Variants in KAZN observed in about 807,000 individuals in gnomAD.
KAZN encodes the protein kazrin, periplakin interacting protein.
Under a neutral mutation model 87.4 loss-of-function variants are expected in KAZN, and 40 were observed. That is an observed-to-expected ratio of 0.46 (90% CI 0.36 to 0.60). The LOEUF (loss-of-function observed/expected upper bound fraction) is 0.60, where lower values mean the gene tolerates loss of function less well. KAZN is among the 20% of genes least tolerant of loss of function. The pLI, the probability that KAZN is intolerant of heterozygous loss-of-function variation, is 0.00. For missense variants in KAZN, 898 were observed against 1,073.9 expected (o/e 0.84, Z 2.29); for synonymous variants, 466 against 458.3 (o/e 1.02, Z -0.22).
At chr1:14,652,847 C>T in intron 1 of KAZN, among the ~76,000 whole-genome samples, 1 of 151,812 alleles carries the variant, frequency 6.6e-6, no homozygotes, top group Admixed American at 6.6e-5. Context: ...TTTTGCTACC[C>T]CGCCCCCATG....
intron 1 of KAZN, among the ~76,000 whole-genome samples, chr1:14,636,071 A>G (rs1238772480): frequency 6.6e-6 from 1 of 152,164 alleles, no homozygotes; most frequent in African/African-American, 2.4e-5. Context: ...AACAATTCCA[A>G]CTGAAAGCGG....
At chr1:14,034,658 TAC>T (rs1235440641) in intron 1 of KAZN, among the ~76,000 whole-genome samples, 1 of 152,212 alleles carries the variant, frequency 6.6e-6, no homozygotes, top group Admixed American at 6.5e-5. Flanking sequence ...CACTAGATTA[TAC>T]ACATAGTGCA....
intron 1 of KAZN, among the ~76,000 whole-genome samples, chr1:14,685,873 C>T (rs1417384702): frequency 6.6e-6 from 1 of 152,094 alleles, no homozygotes. Context: ...TGTGTGCGCA[C>T]GTGTGTATTC....
intron 1 of KAZN, among the ~76,000 whole-genome samples, chr1:14,839,248 A>T (rs1486674487): frequency 6.6e-6 from 1 of 152,134 alleles, no homozygotes. Context: ...TCTGGGTTCA[A>T]ATCCTAGCCC....
At chr1:15,076,018 T>C (rs1026107826) in intron 8 of KAZN, among the ~76,000 whole-genome samples, 2 of 152,212 alleles carry the variant, frequency 1.3e-5, no homozygotes, top group African/African-American at 4.8e-5. Context: ...CGTGCTATAC[T>C]AGGCCAGCTT....
chr1:14,385,475 C>A (rs185221881), intron 2 of KAZN, among the ~76,000 whole-genome samples: 2 of 152,228 alleles, frequency 1.3e-5, no homozygotes, highest in Admixed American at 6.5e-5. Context: ...CCTCCACACA[C>A]TGCTTTGAAT....
intron 2 of KAZN, among the ~76,000 whole-genome samples, chr1:14,185,735 C>G (rs751387913): frequency 6.6e-6 from 1 of 152,170 alleles, no homozygotes; most frequent in Non-Finnish European, 1.5e-5. Context: ...AGTTACGGAA[C>G]TTCTGTACTC....
intron 2 of KAZN, among the ~76,000 whole-genome samples, chr1:14,240,425 T>C (rs1445006701): frequency 1.3e-5 from 2 of 152,190 alleles, no homozygotes; most frequent in African/African-American, 4.8e-5. Context: ...CACCTGGATT[T>C]TGGTGCCACT....
intron 8 of KAZN, among the ~76,000 whole-genome samples, chr1:15,092,062 T>TTG: frequency 6.7e-6 from 1 of 149,714 alleles, no homozygotes; most frequent in East Asian, 1.9e-4. Flanking sequence ...GTTTTTTTGT[T>TTG]TTTTTTTTTG....
Position 14,488,502 on chromosome 1 carries a change from G to A in KAZN, c.250-110481G>A, listed in dbSNP as rs991574488. On this transcript the variant is annotated intron_variant, in intron 2 of 16. Coordinates refer to the KAZN transcript ENST00000636203. ...CACAGGCACATTATGTAACTGCTGG[G>A]CCTCCACTTCCCCATCTAGAACATG... Among the ~76,000 whole-genome samples, 3 of 152,112 alleles carry A rather than the reference G, an allele frequency of 2.0e-5. No individual in the cohort carries two copies. The East Asian group carries it at 5.8e-4, about 29-fold the overall frequency.
chr1:14,033,828 C>G (rs1409831378), intron 1 of KAZN, among the ~76,000 whole-genome samples: 1 of 152,206 alleles, frequency 6.6e-6, no homozygotes, highest in African/African-American at 2.4e-5. Flanking sequence ...AACAGGTTCT[C>G]TCCACTTCTT....
chr1:15,042,049 A>T (rs1408150563), intron 3 of KAZN, among the ~76,000 whole-genome samples: 1 of 152,086 alleles, frequency 6.6e-6, no homozygotes, highest in Non-Finnish European at 1.5e-5. Flanking sequence ...GCGGAATATG[A>T]CCCCAAGAAG....
At chr1:14,091,752 G>A (rs904093510) in intron 1 of KAZN, among the ~76,000 whole-genome samples, 9 of 152,114 alleles carry the variant, frequency 5.9e-5, no homozygotes, top group Non-Finnish European at 8.8e-5. Context: ...CATGTATAGC[G>A]TGCAAATTAA....
chr1:14,064,077 G>A (rs1284667829), intron 1 of KAZN, among the ~76,000 whole-genome samples: 2 of 152,094 alleles, frequency 1.3e-5, no homozygotes, highest in Admixed American at 1.3e-4. Flanking sequence ...CACTCTGCCT[G>A]GCTAATTCTT....
At chr1:15,047,074 G>C (rs550005378) in intron 4 of KAZN, among the ~76,000 whole-genome samples, 1 of 152,334 alleles carries the variant, frequency 6.6e-6, no homozygotes, top group African/African-American at 2.4e-5. Flanking sequence ...CCTTCTGGCA[G>C]GCATCAGATG....
intron 1 of KAZN, among the ~76,000 whole-genome samples, chr1:14,939,375 T>TCCTCCCA (rs1380486445): frequency 1.3e-5 from 2 of 152,112 alleles, no homozygotes; most frequent in Non-Finnish European, 2.9e-5. Context: ...GCTCAAGTCA[T>TCCTCCCA]CCTCCCACCT....
chr1:13,921,068 A>T (rs12124328), intron 1 of KAZN, among the ~76,000 whole-genome samples: 35,937 of 151,984 alleles, frequency 0.24, 5,633 homozygotes, highest in East Asian at 0.52. Context: ...CAGGACCTCT[A>T]TGAGGTCCTT....
At chr1:14,245,422 A>AT (rs1649409923) in intron 2 of KAZN, among the ~76,000 whole-genome samples, 1 of 152,120 alleles carries the variant, frequency 6.6e-6, no homozygotes, top group Non-Finnish European at 1.5e-5. Context: ...ATGGGGAGCT[A>AT]TATCATAATT....
chr1:14,556,691 A>G (rs1425647251), intron 2 of KAZN, among the ~76,000 whole-genome samples: 1 of 152,038 alleles, frequency 6.6e-6, no homozygotes, highest in Non-Finnish European at 1.5e-5. Flanking sequence ...TCCCACCTAT[A>G]TCTGCCTCTT....
Sources: allele counts gnomAD v4.1 joint callset (sites outside exome capture counted in the v4.1 genomes callset), GRCh38; gene constraint gnomAD v4.1.1; transcripts MANE v1.5; gene names NCBI Gene and HGNC (gene_info 2026-07-23, HGNC 2026-07-21).